SRGAP2B: variants seen among roughly 807,000 people sequenced by gnomAD.
The protein encoded by SRGAP2B is SLIT-ROBO Rho GTPase-activating protein 2B.
In SRGAP2B, 9 loss-of-function variants were observed where a neutral mutation model predicts 22.2. The observed-to-expected ratio is 0.41, with a 90% CI of 0.24 to 0.71. The LOEUF (loss-of-function observed/expected upper bound fraction) is 0.71, where lower values mean the gene tolerates loss of function less well. Ranked by LOEUF, SRGAP2B falls within the 30% of genes least tolerant of loss-of-function variation. The probability of loss-of-function intolerance (pLI) is 0.35; values close to 1 mark genes in which losing one functional copy is unlikely to be tolerated. For missense variants in SRGAP2B, 114 were observed against 235.8 expected (o/e 0.48, Z 3.38); for synonymous variants, 36 against 87.4 (o/e 0.41, Z 3.28).
At chr1:144,920,061 G>A (rs1192770594) in intron 4 of SRGAP2B, among the ~76,000 whole-genome samples, 1 of 150,572 alleles carries the variant, frequency 6.6e-6, no homozygotes, top group East Asian at 1.9e-4. Context: ...ACAGAGTGCT[G>A]ATTGGTGCAT....
chr1:144,938,774 TGCCTGGAACATGGGAGGCACACTGTAAA>T (rs1665821997), intron 4 of SRGAP2B, among the ~76,000 whole-genome samples: 4 of 121,698 alleles, frequency 3.3e-5, no homozygotes, highest in Admixed American at 8.5e-5. Flanking sequence ...CCTAGCACAG[TGCCTGGAACATGGGAGGCACACTGTAAA>T]TATCTGCTGA....
chr1:144,925,670 G>A (rs1379520241), intron 4 of SRGAP2B, among the ~76,000 whole-genome samples: 4 of 138,266 alleles, frequency 2.9e-5, no homozygotes, highest in Admixed American at 1.5e-4. Flanking sequence ...AAAAAAAAAG[G>A]ACAGAAAGAA....
At chr1:144,983,177 A>T (rs1669434126) in intron 3 of SRGAP2B, among the ~76,000 whole-genome samples, 2 of 144,772 alleles carry the variant, frequency 1.4e-5, no homozygotes, top group Admixed American at 6.7e-5. Flanking sequence ...CCATAAGTCA[A>T]TGAGGAACCT....
intron 3 of SRGAP2B, among the ~76,000 whole-genome samples, chr1:144,965,298 C>G (rs7516265): frequency 6.9e-6 from 1 of 145,492 alleles, no homozygotes; most frequent in Non-Finnish European, 1.5e-5. Context: ...GATCTGAGAA[C>G]GGGCAGACTG....
intron 3 of SRGAP2B, among the ~76,000 whole-genome samples, chr1:144,956,108 T>C (rs1440504740): frequency 6.6e-6 from 1 of 150,448 alleles, no homozygotes; most frequent in Non-Finnish European, 1.5e-5. Context: ...TCCATCATTT[T>C]AGCCACTAAG....
intron 3 of SRGAP2B, among the ~76,000 whole-genome samples, chr1:144,980,556 C>A (rs1158021945): frequency 6.6e-6 from 1 of 151,856 alleles, no homozygotes; most frequent in Non-Finnish European, 1.5e-5. Flanking sequence ...ATTTTCTAAT[C>A]CTGGCTCTTT....
At chr1:144,906,357 A>C (rs1662993222) in intron 5 of SRGAP2B, among the ~76,000 whole-genome samples, 1 of 149,480 alleles carries the variant, frequency 6.7e-6, no homozygotes. Context: ...ATTTGTAATC[A>C]CTTCTCTTTA....
chr1:144,964,893 C>A lies in SRGAP2B; in HGVS notation c.261-9292G>T, dbSNP rs1570872020. The A allele has an allele frequency of 9.5e-6, 6 of 629,984 alleles. No homozygotes were observed. The East Asian group carries it at 1.4e-4, about 15-fold the overall frequency. 39.0% of individuals were successfully genotyped at this position (629,984 alleles called of 1,614,324 possible). A position where few individuals can be genotyped will look rare whatever the true frequency, so the allele number is the denominator to read the frequency against. ...ATGATTGTGCCTGTAAATGACCAGC[C>A]TGGGTAACATAGGACCTGTCTCTTA... On this transcript the variant is annotated intron_variant, in intron 3 of 9. Transcript: ENST00000612199.
intron 9 of SRGAP2B, among the ~76,000 whole-genome samples, chr1:144,892,677 TAAC>T (rs1174919089): frequency 6.7e-6 from 1 of 149,062 alleles, no homozygotes; most frequent in African/African-American, 2.5e-5. Context: ...TAATATTATA[TAAC>T]AATATTGTAA....
chr1:145,024,855 G>GA lies in SRGAP2B; in HGVS notation c.68-29656dup, dbSNP rs1172899572. On this transcript the variant is annotated intron_variant, in intron 2 of 9. Transcript: ENST00000612199. ...TCAGAATCAACTGAATGAAGGGATA[G>GA]AAAAAAAAAATCCAAGAAATTGGGA... is the stretch of plus-strand genomic sequence containing the variant. 1.9e-3 allele frequency among the ~76,000 whole-genome samples: 248 copies of GA among 133,022 alleles called. 3 individuals are homozygous for GA. The highest frequency in any genetic ancestry group is 6.5e-3 in the African/African-American group (217 of 33,606). The allele number at this position is 133,022 out of a possible 152,430, so 87.3% of individuals were successfully genotyped here.
intron 2 of SRGAP2B, among the ~76,000 whole-genome samples, chr1:145,013,918 C>T (rs1226030482): frequency 6.7e-6 from 1 of 148,462 alleles, no homozygotes; most frequent in Non-Finnish European, 1.5e-5. Flanking sequence ...CCACTTAGGC[C>T]AAGATGGTAT....
chr1:145,066,658 G>A (rs1311379224), intron 2 of SRGAP2B, among the ~76,000 whole-genome samples: 2 of 151,640 alleles, frequency 1.3e-5, no homozygotes, highest in African/African-American at 4.9e-5. Context: ...TGAGCGCCCA[G>A]GCCGTCTGGC....
intron 4 of SRGAP2B, among the ~76,000 whole-genome samples, chr1:144,934,232 C>G (rs1665448042): frequency 6.7e-6 from 1 of 150,332 alleles, no homozygotes; most frequent in Admixed American, 6.6e-5. Flanking sequence ...TAGTGAAACC[C>G]TGTCTCTACT....
chr1:144,984,365 C>CAAAAAAAAAAAAA (rs57268593), intron 3 of SRGAP2B, among the ~76,000 whole-genome samples: 2 of 126,426 alleles, frequency 1.6e-5, no homozygotes, highest in African/African-American at 3.1e-5. Context: ...ACAACAACAA[C>CAAAAAAAAAAAAA]AAAAAAAAAA....
chr1:144,934,445 A>G (rs1553606073), intron 4 of SRGAP2B, among the ~76,000 whole-genome samples: 1 of 148,194 alleles, frequency 6.7e-6, no homozygotes, highest in African/African-American at 2.6e-5. Flanking sequence ...CAGAGGTTAT[A>G]TAGATGCCTG....
intron 3 of SRGAP2B, among the ~76,000 whole-genome samples, chr1:144,984,270 A>G (rs1669530610): frequency 6.7e-6 from 1 of 149,304 alleles, no homozygotes; most frequent in Non-Finnish European, 1.5e-5. Flanking sequence ...CAGTGAGCTG[A>G]GATCGTGCCA....
Position 145,009,315 on chromosome 1 carries a change from G to A in SRGAP2B, c.68-14115C>T, listed in dbSNP as rs587638704. Among the ~76,000 whole-genome samples the A allele has an allele frequency of 9.7e-4, 146 of 150,696 alleles. 8 individuals are homozygous for A. The highest frequency in any genetic ancestry group is 3.4e-3 in the African/African-American group (138 of 40,294). On this transcript the variant is annotated intron_variant, in intron 2 of 9. Coordinates refer to ENST00000612199, the Ensembl canonical transcript of SRGAP2B. ...GATAAAACAAAACTGGCGGCCGGGC[G>A]CGGTGGCTCACGCCTGTAATCCCAG...
intron 3 of SRGAP2B, among the ~76,000 whole-genome samples, chr1:144,975,278 T>G (rs1396212219): frequency 6.8e-6 from 1 of 147,374 alleles, no homozygotes; most frequent in Non-Finnish European, 1.5e-5. Flanking sequence ...ATAATATAAC[T>G]ACATTGAAGG....
chr1:144,994,616 G>A (rs2102153881), intron 3 of SRGAP2B, among the ~76,000 whole-genome samples: 1 of 144,902 alleles, frequency 6.9e-6, no homozygotes, highest in South Asian at 2.2e-4. Context: ...GAGAGACAGA[G>A]ATTAAGATAG....
Sources: allele counts gnomAD v4.1 joint callset (sites outside exome capture counted in the v4.1 genomes callset), GRCh38; gene constraint gnomAD v4.1.1; transcripts MANE v1.5; gene names NCBI Gene and HGNC (gene_info 2026-07-23, HGNC 2026-07-21).